FLNA: variants seen among roughly 807,000 people sequenced by gnomAD.
FLNA encodes filamin-A.
FLNA carries 7 observed loss-of-function variants against 157.6 expected under a neutral mutation model. The observed-to-expected ratio is 0.04, with a 90% CI of 0.03 to 0.08. The LOEUF (loss-of-function observed/expected upper bound fraction) is 0.08, where lower values mean the gene tolerates loss of function less well. Among genes scored for constraint, FLNA ranks in the 10% least tolerant of loss-of-function variants. The pLI is 1.00. For synonymous variants in FLNA, 1,103 were observed against 1,060.8 expected (o/e 1.04, Z -0.77); for missense variants, 1,750 against 2,398.4 (o/e 0.73, Z 5.65).
intron 47 of FLNA, 132 bp downstream of exon 47, chrX:154,349,230 G>A (rs2067599026): frequency 6.3e-6 from 5 of 789,521 alleles, no homozygotes; most frequent in African/African-American, 2.0e-5. Flanking sequence ...GGGTCCAGGA[G>A]GTGGCAGGGA....
chrX:154,360,933 G>C (rs1482123525), intron 21 of FLNA, among the ~76,000 whole-genome samples: 1 of 105,538 alleles, frequency 9.5e-6, no homozygotes, highest in Non-Finnish European at 1.9e-5. Flanking sequence ...TGTAATCCCA[G>C]CTACTTGGGA....
intron 1 of FLNA, among the ~76,000 whole-genome samples, chrX:154,372,204 G>A (rs1364786324): frequency 8.8e-6 from 1 of 113,449 alleles, no homozygotes; most frequent in Non-Finnish European, 1.9e-5. Context: ...CGGGCAGAGG[G>A]CGCCGTGCGA....
At chrX:154,354,127 T>G (rs782063731) in intron 34 of FLNA, 24 bp downstream of exon 34, 2 of 1,210,822 alleles carry the variant, frequency 1.7e-6, no homozygotes, top group Non-Finnish European at 2.2e-6. Context: ...GGCGGTGGAG[T>G]GGGCAGAGGC....
chrX:154,362,128 T>C lies in FLNA; in HGVS notation c.2677A>G (p.Thr893Ala). Reference sequence around the variant, plus strand: ...GCTTTGGCATTTACTGTGAAGTGGGTGGGCTTGCCAAGCTCGACACCTGAG... The same window carrying C: ...GCTTTGGCATTTACTGTGAAGTGGGCGGGCTTGCCAAGCTCGACACCTGAG... ...SRTGVELGKP[T>A]HFTVNAKAAG... The change falls in exon 19 of 48, where the codon ACC becomes GCC. Residue 893 changes from threonine (T) to alanine (A), a missense_variant. Physicochemically the swap from Thr to Ala is moderately conservative, Grantham distance 58. Around this residue, in one of 5 missense-constraint regions of FLNA, gnomAD observed 648 missense variants for 805.8 expected, o/e 0.80. Coordinates refer to ENST00000369850, the MANE Select transcript of FLNA (RefSeq NM_001110556.2). 8.3e-7 allele frequency: 1 copy of C among 1,211,627 alleles called. No individual in the cohort carries two copies. Among genetic ancestry groups the C allele is most frequent in the South Asian group, 1.8e-5 (1 of 57,013 alleles).
rs782647868 is a variant in FLNA, at chrX:154,364,193, T to C, written c.2137-28A>G. 9 of 1,210,628 alleles carry C rather than the reference T, an allele frequency of 7.4e-6. No homozygotes were observed. The South Asian group carries it at 1.6e-4, about 21-fold the overall frequency. Reference sequence around the variant, plus strand: ...GTCAGGCAGATAGGAGCAGGTGGCCTGCTGGTCAGTGCCCAGGCCTGGGTG... The same window carrying C: ...GTCAGGCAGATAGGAGCAGGTGGCCCGCTGGTCAGTGCCCAGGCCTGGGTG... On this transcript the variant is annotated intron_variant, in intron 14 of 47. Coordinates refer to ENST00000369850, the MANE Select transcript of FLNA (RefSeq NM_001110556.2).
At chrX:154,359,963 C>G in intron 22 of FLNA, 27 bp downstream of exon 22, 5 of 1,205,479 alleles carry the variant, frequency 4.1e-6, no homozygotes, top group Non-Finnish European at 4.5e-6. Context: ...TGTCCCCCGT[C>G]ACATACCCCA....
intron 28 of FLNA, 64 bp from the exon 29 acceptor site, chrX:154,357,687 C>G (rs1557177134): frequency 9.6e-7 from 1 of 1,046,520 alleles, no homozygotes; most frequent in Non-Finnish European, 1.3e-6. Flanking sequence ...CTGCCTCAGG[C>G]GCTCCCAGAG....
Position 154,365,226 on chromosome X carries a change from C to A in FLNA, c.1601G>T (p.Gly534Val), listed in dbSNP as rs781850599. 3 of 1,210,633 alleles carry A rather than the reference C, an allele frequency of 2.5e-6. No homozygotes were observed. The African/African-American group carries it at 5.2e-5, about 21-fold the overall frequency. Residue 534 changes from glycine (G) to valine (V), a missense_variant, in exon 11 of 48, where the codon GGG becomes GTG. By Grantham distance (109) the Gly-to-Val change is moderately radical. Transcript: ENST00000369850. ...ATACTCGAAGCCATACACGCCATCC[C>A]CCAGGTCCTTCTGCTTCACGCGCTC... ...GEERVKQKDLGDGVYGFEYYP... is the reference protein window; with the variant it reads ...GEERVKQKDLVDGVYGFEYYP...
In FLNA at chrX:154,361,408, C is replaced by A; in HGVS notation, c.3107G>T (p.Arg1036Leu). The change falls in exon 21 of 48, where the codon CGT becomes CTT. Residue 1036 changes from arginine (R) to leucine (L), a missense_variant. By Grantham distance (102) the Arg-to-Leu change is moderately radical. Coordinates refer to ENST00000369850, the MANE Select transcript of FLNA (RefSeq NM_001110556.2). ...CTCCACCTCATAGGGCCCTTCCTCACGGGGCAGGAAGCGCACCACACTGTT... is the reference window on the plus strand; with the variant it reads ...CTCCACCTCATAGGGCCCTTCCTCAAGGGGCAGGAAGCGCACCACACTGTT... The part of the protein sequence containing the change: ...ADNSVVRFLP[R>L]EEGPYEVEVT... 8.3e-7 allele frequency: 1 copy of A among 1,210,842 alleles called. No homozygotes were observed. Among genetic ancestry groups the A allele is most frequent in the South Asian group, 1.8e-5 (1 of 56,976 alleles).
intron 1 of FLNA, among the ~76,000 whole-genome samples, chrX:154,373,279 G>A (rs782396796): frequency 1.8e-5 from 2 of 112,237 alleles, no homozygotes; most frequent in Non-Finnish European, 3.8e-5. Context: ...GGGTTGTCTG[G>A]GTTCATTCCT....
chrX:154,348,809 G>T lies in FLNA; in HGVS notation c.*40C>A, dbSNP rs1557175085. 1.7e-6 allele frequency: 2 copies of T among 1,157,860 alleles called. No homozygotes were observed. The highest frequency in any genetic ancestry group is 2.3e-6 in the Non-Finnish European group (2 of 854,802). The stretch of plus-strand genomic sequence containing the variant: ...AGAGGGCGGGGCTGCTTGGGTAGCG[G>T]GGCAGGCTTGGGGGCTGCCGGCTGG... On this transcript the variant is annotated 3_prime_UTR_variant, in exon 48 of 48. Coordinates refer to ENST00000369850, the MANE Select transcript of FLNA (RefSeq NM_001110556.2).
chrX:154,366,674 G>A (rs782560426), intron 6 of FLNA, 35 bp from the exon 7 acceptor site: 7 of 1,202,858 alleles, frequency 5.8e-6, no homozygotes, highest in African/African-American at 1.7e-5. Flanking sequence ...CCTTTGCTAA[G>A]AGCAGCCCCA....
intron 2 of FLNA, among the ~76,000 whole-genome samples, chrX:154,370,203 TGAAGA>T (rs2067794275): frequency 1.8e-5 from 2 of 112,453 alleles, no homozygotes; most frequent in Non-Finnish European, 3.8e-5. Flanking sequence ...TGGCCCAAGA[TGAAGA>T]GAAAAGTTGG....
In FLNA at chrX:154,361,336, T is replaced by C; in HGVS notation, c.3179A>G (p.Glu1060Gly). ...VPVPGSPFPL[E>G]AVAPTKPSKV... The stretch of plus-strand genomic sequence containing the variant: ...GCTAGGCTTGGTGGGGGCCACAGCT[T>C]CCAGAGGAAAGGGGCTGCCAGGCAC... The change falls in exon 21 of 48, where the codon GAA (glutamate) becomes GGA (glycine). Residue 1060 changes from glutamate (E) to glycine (G), a missense_variant. Glu to Gly is a moderately conservative substitution (Grantham distance 98). Transcript: ENST00000369850. 1 of 1,210,581 alleles carries C rather than the reference T, an allele frequency of 8.3e-7. No individual in the cohort carries two copies. Among genetic ancestry groups the C allele is most frequent in the Non-Finnish European group, 1.1e-6 (1 of 895,378 alleles).
Position 154,360,131 on chromosome X carries a change from T to C in FLNA, c.3664A>G (p.Ile1222Val). ...HGDGTHTITY[I>V]PLCPGAYTVT... is the part of the protein sequence containing the mutation. Reference sequence around the variant, plus strand: ...GTGTAGGCCCCGGGGCAGAGGGGAATGTAGGTAATGGTGTGCGTGCCATCA... The same window carrying C: ...GTGTAGGCCCCGGGGCAGAGGGGAACGTAGGTAATGGTGTGCGTGCCATCA... Residue 1222 changes from isoleucine (I) to valine (V), a missense_variant, in exon 22 of 48, where the codon ATT becomes GTT. Ile to Val is a conservative substitution (Grantham distance 29). Around this residue, in one of 5 missense-constraint regions of FLNA, gnomAD observed 970 missense variants for 1,302.6 expected, o/e 0.74. Transcript: ENST00000369850. 2 of 1,210,032 alleles carry C rather than the reference T, an allele frequency of 1.7e-6. No individual in the cohort carries two copies. Among genetic ancestry groups the C allele is most frequent in the South Asian group, 1.8e-5 (1 of 56,996 alleles).
intron 42 of FLNA, 80 bp downstream of exon 42, chrX:154,351,804 C>A (rs2067622051): frequency 8.6e-7 from 1 of 1,168,216 alleles, no homozygotes. Context: ...GAGTGCCAGG[C>A]AGGGCTATCT....
In FLNA at chrX:154,364,802, G is replaced by A; in HGVS notation, c.1828+19C>T. 8 of 1,210,515 alleles carry A rather than the reference G, an allele frequency of 6.6e-6. No individual in the cohort carries two copies. The highest frequency in any genetic ancestry group is 8.9e-6 in the Non-Finnish European group (8 of 895,311). ...CCATCGTCTGTCCCCAGGTGCCCAT[G>A]CTGCAGCCTCCAACTTACCCAGCGT... On this transcript the variant is annotated intron_variant, in intron 12 of 47. Coordinates refer to ENST00000369850, the MANE Select transcript of FLNA (RefSeq NM_001110556.2).
intron 7 of FLNA, 24 bp from the exon 8 acceptor site, chrX:154,366,494 G>C (rs2067762238): frequency 8.3e-7 from 1 of 1,209,637 alleles, no homozygotes; most frequent in Non-Finnish European, 1.1e-6. Context: ...GGTGGGCCGT[G>C]AGGGTAGGGC....
Position 154,360,571 on chromosome X carries a change from G to A in FLNA, c.3224C>T (p.Pro1075Leu), listed in dbSNP as rs782406278. ...TKPSKVKAFGPGLQGGSAGSP... is the reference protein window; with the variant it reads ...TKPSKVKAFGLGLQGGSAGSP... ...GCCCGCACTGCCTCCCTGCAGCCCC[G>A]GCCCAAACGCCTTCACCTGAGGGAA... Residue 1075 changes from proline (P) to leucine (L), a missense_variant, in exon 22 of 48, where the codon CCG (proline) becomes CTG (leucine). Transcript: ENST00000369850. 8 of 1,204,836 alleles carry A rather than the reference G, an allele frequency of 6.6e-6. No individual in the cohort carries two copies. The highest frequency in any genetic ancestry group is 1.7e-5 in the African/African-American group (1 of 57,461).
Sources: allele counts gnomAD v4.1 joint callset (sites outside exome capture counted in the v4.1 genomes callset), GRCh38; gene constraint gnomAD v4.1.1; regional missense constraint gnomAD v4.1.1; transcripts MANE v1.5; gene names NCBI Gene and HGNC (gene_info 2026-07-23, HGNC 2026-07-21).